The following THRB variants were observed in gnomAD, a reference collection of about 807,000 sequenced individuals.
THRB encodes the protein nuclear receptor subfamily 1 group A member 2.
In THRB, 12 loss-of-function variants were observed where a neutral mutation model predicts 47.8. That is an observed-to-expected ratio of 0.25 (90% CI 0.16 to 0.41). THRB has a LOEUF of 0.41. THRB is among the 10% of genes least tolerant of loss of function. THRB has a pLI of 1.00. For synonymous variants in THRB, 218 were observed against 212.2 expected (o/e 1.03, Z -0.24); for missense variants, 348 against 589.2 (o/e 0.59, Z 4.24).
chr3:24,258,663 T>C (rs2051589556), intron 3 of THRB, among the ~76,000 whole-genome samples: 1 of 151,598 alleles, frequency 6.6e-6, no homozygotes, highest in South Asian at 2.1e-4. Flanking sequence ...TGTGGATCTG[T>C]GCGGGCACAT....
At chr3:24,241,656 A>G (rs2049522664) in intron 3 of THRB, among the ~76,000 whole-genome samples, 1 of 152,130 alleles carries the variant, frequency 6.6e-6, no homozygotes. Context: ...TGCACCAACA[A>G]ACCAAGTGCA....
At chr3:24,134,128 C>T (rs2034291128) in intron 8 of THRB, among the ~76,000 whole-genome samples, 1 of 152,198 alleles carries the variant, frequency 6.6e-6, no homozygotes, top group Non-Finnish European at 1.5e-5. Flanking sequence ...TGCTCAAGAA[C>T]AATCCATGGC....
chr3:24,305,882 C>T (rs2057301608), intron 2 of THRB, among the ~76,000 whole-genome samples: 1 of 152,270 alleles, frequency 6.6e-6, no homozygotes, highest in African/African-American at 2.4e-5. Context: ...CGTGCCTTGG[C>T]ATCTCCTACT....
intron 1 of THRB, among the ~76,000 whole-genome samples, chr3:24,369,388 T>C (rs2064737434): frequency 6.6e-6 from 1 of 152,190 alleles, no homozygotes; most frequent in Non-Finnish European, 1.5e-5. Flanking sequence ...GCTTGTGAGT[T>C]GCAGAGCTGA....
At chr3:24,380,506 T>C (rs543295365) in intron 1 of THRB, among the ~76,000 whole-genome samples, 1 of 152,052 alleles carries the variant, frequency 6.6e-6, no homozygotes, top group Non-Finnish European at 1.5e-5. Flanking sequence ...AGAATTCCTA[T>C]CCCTTTCAAG....
intron 1 of THRB, among the ~76,000 whole-genome samples, chr3:24,408,598 G>A (rs1310489274): frequency 2.0e-5 from 3 of 151,816 alleles, no homozygotes; most frequent in African/African-American, 7.2e-5. Context: ...CCAAGCATAT[G>A]TTTGAGACCA....
chr3:24,124,400 C>T (rs1442492038), intron 10 of THRB, among the ~76,000 whole-genome samples: 1 of 152,184 alleles, frequency 6.6e-6, no homozygotes, highest in Non-Finnish European at 1.5e-5. Flanking sequence ...GAATTTTCCA[C>T]AGGATCCTTT....
At chr3:24,444,069 A>G (rs1269385696) in intron 1 of THRB, among the ~76,000 whole-genome samples, 1 of 152,146 alleles carries the variant, frequency 6.6e-6, no homozygotes, top group South Asian at 2.1e-4. Flanking sequence ...ATGCAAAAAA[A>G]TTTCTTTAAC....
intron 3 of THRB, among the ~76,000 whole-genome samples, chr3:24,272,755 T>C (rs1051610410): frequency 6.6e-6 from 1 of 152,186 alleles, no homozygotes; most frequent in African/African-American, 2.4e-5. Flanking sequence ...TCACTTTTGT[T>C]GTGACCATAT....
chr3:24,161,389 T>C (rs1054362069), intron 5 of THRB, among the ~76,000 whole-genome samples: 1 of 151,908 alleles, frequency 6.6e-6, no homozygotes, highest in East Asian at 1.9e-4. Flanking sequence ...CACATCTGTG[T>C]TTAAATTAAA....
In THRB at chr3:24,154,800, T is replaced by A. The variant is rs542267484; in HGVS notation, c.284-2310A>T. 5.4e-4 allele frequency among the ~76,000 whole-genome samples: 83 copies of A among 152,344 alleles called. No homozygotes were observed. In the Middle Eastern group the frequency reaches 0.02, roughly 37 times the overall value. ...ATCTGAACCTCTTATACCTCGAGGTTATACACAATTAATCCAACAGAATGA... is the reference window on the plus strand; with the variant it reads ...ATCTGAACCTCTTATACCTCGAGGTAATACACAATTAATCCAACAGAATGA... On this transcript the variant is annotated intron_variant, in intron 5 of 10. Coordinates refer to ENST00000646209, the MANE Select transcript of THRB (RefSeq NM_001354712.2).
chr3:24,392,866 G>C (rs1190630670), intron 1 of THRB, among the ~76,000 whole-genome samples: 1 of 152,016 alleles, frequency 6.6e-6, no homozygotes, highest in Non-Finnish European at 1.5e-5. Context: ...CTCCTCTTTT[G>C]ATATGGGGAA....
chr3:24,229,018 C>CAAA lies in THRB; in HGVS notation c.-42-20_-42-18dup. The CAAA allele has an allele frequency of 7.6e-7, 1 of 1,320,202 alleles. No individual in the cohort carries two copies. The highest frequency in any genetic ancestry group is 1.1e-6 in the Non-Finnish European group (1 of 920,158). The allele number at this position is 1,320,202 out of a possible 1,614,324, so 81.8% of individuals were successfully genotyped here. A position where few individuals can be genotyped will look rare whatever the true frequency, so the allele number is the denominator to read the frequency against. ...TGACATCTCCTACAAGGAAAAAATA[C>CAAA]AAAAAAAATCACAGATTATAATCTG... is the stretch of plus-strand genomic sequence containing the variant. On this transcript the variant is annotated splice_polypyrimidine_tract_variant and intron_variant, in intron 3 of 10. Transcript: ENST00000646209.
chr3:24,263,866 C>T (rs1049739748), intron 3 of THRB, among the ~76,000 whole-genome samples: 2 of 152,114 alleles, frequency 1.3e-5, no homozygotes, highest in African/African-American at 4.8e-5. Flanking sequence ...GTTGATACTA[C>T]ATGTAATAAG....
At chr3:24,160,123 G>A (rs2038565939) in intron 5 of THRB, among the ~76,000 whole-genome samples, 1 of 152,186 alleles carries the variant, frequency 6.6e-6, no homozygotes, top group South Asian at 2.1e-4. Context: ...TGGCCCACCA[G>A]GGTGTGGCTG....
chr3:24,452,174 C>G (rs750075083), intron 1 of THRB, among the ~76,000 whole-genome samples: 4 of 152,186 alleles, frequency 2.6e-5, no homozygotes, highest in Admixed American at 6.5e-5. Context: ...AAGGAGAAAT[C>G]AGTTAATACT....
At chr3:24,334,788 A>C (rs950065701) in intron 2 of THRB, among the ~76,000 whole-genome samples, 2 of 152,200 alleles carry the variant, frequency 1.3e-5, no homozygotes, top group Non-Finnish European at 2.9e-5. Flanking sequence ...AGTTCAGATC[A>C]GTGTGACCCT....
At chr3:24,274,381 A>G (rs1482011360) in intron 3 of THRB, among the ~76,000 whole-genome samples, 3 of 152,216 alleles carry the variant, frequency 2.0e-5, no homozygotes, top group Admixed American at 1.3e-4. Flanking sequence ...CTAGGGAAGC[A>G]AAATAGTGCT....
At chr3:24,341,523 C>T (rs984109709) in intron 1 of THRB, among the ~76,000 whole-genome samples, 1 of 152,114 alleles carries the variant, frequency 6.6e-6, no homozygotes, top group Admixed American at 6.5e-5. Context: ...CATGAGCCAC[C>T]ATGCCCAGAT....
Sources: allele counts gnomAD v4.1 joint callset (sites outside exome capture counted in the v4.1 genomes callset), GRCh38; gene constraint gnomAD v4.1.1; transcripts MANE v1.5; gene names NCBI Gene and HGNC (gene_info 2026-07-23, HGNC 2026-07-21).